The following ESRRG variants were observed in gnomAD, a reference collection of about 807,000 sequenced individuals.
ESRRG encodes the protein estrogen-related receptor gamma.
Under a neutral mutation model 44.0 loss-of-function variants are expected in ESRRG, and 13 were observed. That is an observed-to-expected ratio of 0.30 (90% confidence interval 0.19 to 0.47). ESRRG has a LOEUF of 0.47. Ranked by LOEUF, ESRRG falls within the 20% of genes least tolerant of loss-of-function variation. The pLI is 1.00. For missense variants in ESRRG, 395 were observed against 580.6 expected, an observed-to-expected ratio of 0.68 and a Z score of 3.29; for synonymous variants, 215 against 214.6, an observed-to-expected ratio of 1.00 and a Z score of -0.02.
intron 1 of ESRRG, among the ~76,000 whole-genome samples, chr1:216,949,805 T>C (rs1224087507): frequency 6.6e-6 from 1 of 151,914 alleles, no homozygotes; most frequent in Non-Finnish European, 1.5e-5. Flanking sequence ...AAGAACTGAC[T>C]TTTTCCAAAC....
intron 3 of ESRRG, among the ~76,000 whole-genome samples, chr1:216,617,469 G>A (rs1035574539): frequency 6.7e-6 from 1 of 150,264 alleles, no homozygotes; most frequent in Non-Finnish European, 1.5e-5. Context: ...CATATTAGAT[G>A]TAACATTTCC....
chr1:216,937,852 T>C (rs905038645), intron 2 of ESRRG, among the ~76,000 whole-genome samples: 2 of 151,998 alleles, frequency 1.3e-5, no homozygotes, highest in Non-Finnish European at 2.9e-5. Context: ...ACATGCATAA[T>C]GCAGAATGTG....
chr1:217,004,920 CT>C (rs528390804), intron 1 of ESRRG, among the ~76,000 whole-genome samples: 169 of 152,142 alleles, frequency 1.1e-3, no homozygotes, highest in African/African-American at 3.8e-3. Flanking sequence ...CACTTGATAC[CT>C]TTTAGTGGTT....
chr1:216,665,565 A>G (rs1477773908), intron 2 of ESRRG, among the ~76,000 whole-genome samples: 1 of 152,150 alleles, frequency 6.6e-6, no homozygotes, highest in African/African-American at 2.4e-5. Flanking sequence ...GAGTTGTTTC[A>G]TGAGTGCAGA....
intron 2 of ESRRG, among the ~76,000 whole-genome samples, chr1:216,744,714 T>C (rs1454938976): frequency 6.6e-6 from 1 of 152,234 alleles, no homozygotes; most frequent in African/African-American, 2.4e-5. Context: ...GTAGTCTCTT[T>C]TTGGCTACAA....
chr1:216,677,873 A>T (rs1051844808), intron 1 of ESRRG, among the ~76,000 whole-genome samples: 1 of 152,228 alleles, frequency 6.6e-6, no homozygotes, highest in Admixed American at 6.5e-5. Context: ...TTCTAAATTT[A>T]TCAATGGAAG....
chr1:216,555,868 C>T (rs1356912725), intron 5 of ESRRG, among the ~76,000 whole-genome samples: 2 of 151,954 alleles, frequency 1.3e-5, no homozygotes, highest in South Asian at 2.1e-4. Context: ...AGGATAGACA[C>T]GCATTCATTT....
At chr1:217,133,645 C>CTCTCTCTCTCTT (rs1266397788) in intron 1 of ESRRG, among the ~76,000 whole-genome samples, 1 of 91,726 alleles carries the variant, frequency 1.1e-5, no homozygotes, top group African/African-American at 4.2e-5. Flanking sequence ...CTCTCTCTCT[C>CTCTCTCTCTCTT]TCTTTCTTTC....
At chr1:216,748,559 G>C (rs2091676453) in intron 2 of ESRRG, among the ~76,000 whole-genome samples, 1 of 152,026 alleles carries the variant, frequency 6.6e-6, no homozygotes, top group South Asian at 2.1e-4. Flanking sequence ...TCTGCAACTT[G>C]CTGTATCTGA....
chr1:216,651,782 T>C (rs1192185121), intron 2 of ESRRG, among the ~76,000 whole-genome samples: 1 of 152,206 alleles, frequency 6.6e-6, no homozygotes, highest in Non-Finnish European at 1.5e-5. Flanking sequence ...TTCCCTGATG[T>C]TAGAACAAAG....
At chr1:216,911,273 G>A (rs547483706) in intron 2 of ESRRG, among the ~76,000 whole-genome samples, 8 of 152,188 alleles carry the variant, frequency 5.3e-5, no homozygotes, top group East Asian at 1.9e-4. Context: ...ACATCGAGAC[G>A]CTGGACTGTT....
chr1:216,573,348 CTT>C (rs1026227818), intron 3 of ESRRG, among the ~76,000 whole-genome samples: 3 of 151,916 alleles, frequency 2.0e-5, no homozygotes, highest in African/African-American at 7.2e-5. Flanking sequence ...TTTCTATAAA[CTT>C]TGATGAGTCT....
intron 5 of ESRRG, among the ~76,000 whole-genome samples, chr1:216,560,226 TC>T (rs2058452371): frequency 6.6e-6 from 1 of 152,204 alleles, no homozygotes; most frequent in Admixed American, 6.6e-5. Flanking sequence ...GGAATTTTTT[TC>T]TATTTGATAT....
At chr1:216,514,242 T>A (rs984862631) in intron 6 of ESRRG, among the ~76,000 whole-genome samples, 21 of 152,132 alleles carry the variant, frequency 1.4e-4, no homozygotes, top group Admixed American at 1.4e-3. Context: ...TTCCAAAATA[T>A]CTTATTCTAA....
chr1:217,012,943 G>C (rs1350728528), intron 1 of ESRRG, among the ~76,000 whole-genome samples: 3 of 152,176 alleles, frequency 2.0e-5, no homozygotes, highest in South Asian at 2.1e-4. Context: ...TCCTTCTGAG[G>C]GTTGTGAGAA....
At chr1:216,664,692 G>GAAAAAAAAAAAAAAA (rs71163758) in intron 2 of ESRRG, among the ~76,000 whole-genome samples, 1 of 133,784 alleles carries the variant, frequency 7.5e-6, no homozygotes, top group African/African-American at 3.1e-5. Flanking sequence ...TGCTACTGAA[G>GAAAAAAAAAAAAAAA]AAAAAAAAAA....
At chr1:216,798,508 G>C (rs1343903276) in intron 2 of ESRRG, among the ~76,000 whole-genome samples, 1 of 152,158 alleles carries the variant, frequency 6.6e-6, no homozygotes. Flanking sequence ...AGGAAGGGCT[G>C]CCTCCTGAAA....
intron 2 of ESRRG, among the ~76,000 whole-genome samples, chr1:216,672,706 A>G (rs1418615446): frequency 3.3e-5 from 5 of 152,026 alleles, no homozygotes; most frequent in Non-Finnish European, 5.9e-5. Context: ...CGTCTCTACA[A>G]AAGAGTGAAA....
chr1:216,616,716 T>C (rs2061474408), intron 3 of ESRRG, among the ~76,000 whole-genome samples: 1 of 147,844 alleles, frequency 6.8e-6, no homozygotes, highest in Non-Finnish European at 1.5e-5. Context: ...CTCTTCTCTC[T>C]ATTATCTCTA....
Sources: allele counts gnomAD v4.1 joint callset (sites outside exome capture counted in the v4.1 genomes callset), GRCh38; gene constraint gnomAD v4.1.1; transcripts MANE v1.5; gene names NCBI Gene and HGNC (gene_info 2026-07-23, HGNC 2026-07-21).